Variants in ZBTB8A observed in about 807,000 individuals in gnomAD.
The protein encoded by ZBTB8A is zinc finger and BTB domain containing 8A.
ZBTB8A carries 19 observed loss-of-function variants against 37.8 expected under a neutral mutation model. The ratio of observed to expected loss-of-function variants is 0.50; its 90% CI spans 0.35 to 0.74. ZBTB8A has a LOEUF of 0.74. Among genes scored for constraint, ZBTB8A ranks in the 30% least tolerant of loss-of-function variants. ZBTB8A has a pLI of 0.01. For synonymous variants in ZBTB8A, 181 were observed against 185.2 expected (o/e 0.98, Z 0.19); for missense variants, 394 against 537.8 (o/e 0.73, Z 2.65).
At chr1:32,546,131 A>C (rs965560116) in intron 1 of ZBTB8A, among the ~76,000 whole-genome samples, 1 of 152,208 alleles carries the variant, frequency 6.6e-6, no homozygotes, top group Non-Finnish European at 1.5e-5. Context: ...CAATTTGAGT[A>C]TCTGCCCTTC....
chr1:32,588,057 G>A lies in ZBTB8A; in HGVS notation c.-1-4874G>A, dbSNP rs1022814648. Among the ~76,000 whole-genome samples the A allele has an allele frequency of 5.9e-5, 9 of 152,210 alleles. No individual in the cohort carries two copies. The Middle Eastern group carries it at 0.014, about 230-fold the overall frequency. On this transcript the variant is annotated intron_variant, in intron 2 of 4. Transcript: ENST00000373510. Reference sequence around the variant, plus strand: ...CGTGGAAGCTCCAAGCGCTTCCCACGTGCCTTGCCCTATGCATCTCTTCAT... The same window carrying A: ...CGTGGAAGCTCCAAGCGCTTCCCACATGCCTTGCCCTATGCATCTCTTCAT...
chr1:32,585,366 AGGTT>A (rs1644440078), intron 2 of ZBTB8A, among the ~76,000 whole-genome samples: 1 of 152,028 alleles, frequency 6.6e-6, no homozygotes. Flanking sequence ...CTAATAAGAG[AGGTT>A]GCTACATACC....
intron 2 of ZBTB8A, among the ~76,000 whole-genome samples, chr1:32,573,111 C>G (rs1644334265): frequency 6.8e-6 from 1 of 146,262 alleles, no homozygotes; most frequent in Admixed American, 6.8e-5. Flanking sequence ...CCCTCTGTCA[C>G]CCAGGCTGGA....
chr1:32,600,020 T>C, intron 4 of ZBTB8A, 67 bp from the exon 5 acceptor site: 1 of 1,273,930 alleles, frequency 7.8e-7, no homozygotes, highest in Non-Finnish European at 1.1e-6. Context: ...TATGAACTGG[T>C]ACCTAAAATA....
chr1:32,599,728 A>C (rs1268211198), intron 4 of ZBTB8A, among the ~76,000 whole-genome samples: 1 of 151,848 alleles, frequency 6.6e-6, no homozygotes, highest in Non-Finnish European at 1.5e-5. Flanking sequence ...AAAATAAATA[A>C]ATAAATAAAT....
chr1:32,590,427 A>G (rs1325385227), intron 2 of ZBTB8A, among the ~76,000 whole-genome samples: 3 of 151,782 alleles, frequency 2.0e-5, no homozygotes, highest in African/African-American at 7.3e-5. Flanking sequence ...GTCCCTTTTC[A>G]CTAAGGTTGT....
chr1:32,599,450 G>A (rs555103089), intron 4 of ZBTB8A, among the ~76,000 whole-genome samples: 1 of 152,152 alleles, frequency 6.6e-6, no homozygotes, highest in South Asian at 2.1e-4. Context: ...TGGGCGCGGT[G>A]CCTCACACCT....
intron 1 of ZBTB8A, among the ~76,000 whole-genome samples, chr1:32,543,771 G>A (rs1394159996): frequency 1.3e-5 from 2 of 152,098 alleles, no homozygotes; most frequent in Admixed American, 6.6e-5. Context: ...CCGCCTCCTG[G>A]GTTCACGCCA....
chr1:32,544,265 A>C (rs142653108), intron 1 of ZBTB8A, among the ~76,000 whole-genome samples: 46 of 152,354 alleles, frequency 3.0e-4, no homozygotes, highest in African/African-American at 8.7e-4. Flanking sequence ...GAATGTACTT[A>C]CACAAACCTG....
chr1:32,602,396 T>A lies in ZBTB8A; in HGVS notation c.*1977T>A, dbSNP rs2148257909. On this transcript the variant is annotated 3_prime_UTR_variant, in exon 5 of 5. Coordinates refer to ENST00000373510, the MANE Select transcript of ZBTB8A (RefSeq NM_001040441.3). ...AAACATTCCAAAATTACAGCTAAAT[T>A]AGAGAAGCATTGTTTCAGTTCTAAA... 1 of 151,856 alleles carries A rather than the reference T, an allele frequency of 6.6e-6. No homozygotes were observed. The highest frequency in any genetic ancestry group is 2.4e-5 in the African/African-American group (1 of 41,396). 9.4% of individuals were successfully genotyped at this position (151,856 alleles called of 1,614,324 possible).
chr1:32,545,832 C>G (rs184070015), intron 1 of ZBTB8A, among the ~76,000 whole-genome samples: 1 of 152,288 alleles, frequency 6.6e-6, no homozygotes, highest in Admixed American at 6.5e-5. Flanking sequence ...AAACGTTGAG[C>G]CTTTTGGAAA....
chr1:32,571,777 A>G (rs537758855), intron 2 of ZBTB8A, among the ~76,000 whole-genome samples: 4 of 150,884 alleles, frequency 2.7e-5, no homozygotes, highest in Admixed American at 6.6e-5. Context: ...AGGTTTTGCT[A>G]TGTTGGCCAG....
chr1:32,604,435 C>T lies in ZBTB8A; in HGVS notation c.*4016C>T, dbSNP rs1273974784. 1 of 152,174 alleles carries T rather than the reference C, an allele frequency of 6.6e-6. No homozygotes were observed. The highest frequency in any genetic ancestry group is 1.9e-4 in the East Asian group (1 of 5,202). The allele number at this position is 152,174 out of a possible 1,614,324, so 9.4% of individuals were successfully genotyped here. A position where few individuals can be genotyped will look rare whatever the true frequency, so the allele number is the denominator to read the frequency against. ...TGAAAACCATGGAATTAGACAACTTCCTGAATTCCCTTTGAGCCTTGCAGC... is the reference window on the plus strand; with the variant it reads ...TGAAAACCATGGAATTAGACAACTTTCTGAATTCCCTTTGAGCCTTGCAGC... On this transcript the variant is annotated 3_prime_UTR_variant, in exon 5 of 5. Coordinates refer to ENST00000373510, the MANE Select transcript of ZBTB8A (RefSeq NM_001040441.3).
intron 1 of ZBTB8A, among the ~76,000 whole-genome samples, chr1:32,542,707 A>G (rs1644066993): frequency 6.6e-6 from 1 of 152,234 alleles, no homozygotes; most frequent in South Asian, 2.1e-4. Context: ...TGGTTCCTAA[A>G]ATGTGTAATT....
intron 2 of ZBTB8A, among the ~76,000 whole-genome samples, chr1:32,555,554 T>TCTCC (rs1302703641): frequency 6.6e-6 from 1 of 152,142 alleles, no homozygotes; most frequent in Non-Finnish European, 1.5e-5. Flanking sequence ...CTCTCTTCAT[T>TCTCC]CTCCCTGTAA....
At chr1:32,587,203 C>T (rs904120074) in intron 2 of ZBTB8A, among the ~76,000 whole-genome samples, 14 of 152,038 alleles carry the variant, frequency 9.2e-5, no homozygotes, top group Admixed American at 3.3e-4. Context: ...CACACCACTG[C>T]ACTCCAACCT....
intron 1 of ZBTB8A, 48 bp from the exon 2 acceptor site, chr1:32,553,411 C>T (rs1644173060): frequency 6.6e-6 from 1 of 152,086 alleles, no homozygotes; most frequent in Non-Finnish European, 1.5e-5. Flanking sequence ...ATCTTTCTGC[C>T]TCTTATGACA....
chr1:32,582,049 A>G (rs1428417228), intron 2 of ZBTB8A, among the ~76,000 whole-genome samples: 2 of 152,082 alleles, frequency 1.3e-5, no homozygotes, highest in African/African-American at 4.8e-5. Flanking sequence ...TTATCATATC[A>G]AAAAAATGTA....
chr1:32,558,176 G>A (rs1229773027), intron 2 of ZBTB8A, among the ~76,000 whole-genome samples: 4 of 152,204 alleles, frequency 2.6e-5, no homozygotes, highest in Admixed American at 6.6e-5. Flanking sequence ...GAAGGCATTT[G>A]CCTCTAAGAA....
Sources: allele counts gnomAD v4.1 joint callset (sites outside exome capture counted in the v4.1 genomes callset), GRCh38; gene constraint gnomAD v4.1.1; transcripts MANE v1.5; gene names NCBI Gene and HGNC (gene_info 2026-07-23, HGNC 2026-07-21).